TRPM8: variants seen among roughly 807,000 people sequenced by gnomAD.
TRPM8 encodes the protein TRPM8 cationic channel.
In TRPM8, 110 loss-of-function variants were observed where a neutral mutation model predicts 133.7. The observed-to-expected ratio is 0.82, with a 90% CI of 0.70 to 0.96. The LOEUF (loss-of-function observed/expected upper bound fraction) is 0.96. Among genes scored for constraint, TRPM8 ranks in the 40% least tolerant of loss-of-function variants. The pLI, the probability that TRPM8 is intolerant of heterozygous loss-of-function variation, is 0.00. For synonymous variants in TRPM8, 535 were observed against 532.3 expected (o/e 1.01, Z -0.07); for missense variants, 1,291 against 1,379.5 (o/e 0.94, Z 1.02).
intron 21 of TRPM8, among the ~76,000 whole-genome samples, chr2:233,987,785 A>G (rs1447104278): frequency 6.6e-6 from 1 of 152,144 alleles, no homozygotes; most frequent in Non-Finnish European, 1.5e-5. Context: ...GGTTTCCCCC[A>G]TACTGTTCTC....
chr2:233,933,709 T>G (rs926227593), intron 3 of TRPM8: 1 of 154,866 alleles, frequency 6.5e-6, no homozygotes, highest in Non-Finnish European at 1.5e-5. Context: ...TTTTCAGTTA[T>G]AGCAAGAACA....
chr2:233,992,029 A>G (rs182853938), intron 21 of TRPM8, among the ~76,000 whole-genome samples: 114 of 152,274 alleles, frequency 7.5e-4, no homozygotes, highest in African/African-American at 2.6e-3. Flanking sequence ...GTAAAGTTTT[A>G]TGGTCTTTTT....
At chr2:233,968,989 T>C (rs1228015620) in intron 15 of TRPM8, among the ~76,000 whole-genome samples, 2 of 152,110 alleles carry the variant, frequency 1.3e-5, no homozygotes, top group African/African-American at 2.4e-5. Flanking sequence ...AAATGAATCG[T>C]TGGGGACCCT....
intron 1 of TRPM8, among the ~76,000 whole-genome samples, chr2:233,925,908 C>T (rs1691504784): frequency 6.6e-6 from 1 of 151,830 alleles, no homozygotes; most frequent in Non-Finnish European, 1.5e-5. Flanking sequence ...AGAGCAGGGA[C>T]CCCGGGAAGC....
Position 233,955,243 on chromosome 2 carries a change from G to C in TRPM8, c.1355G>C (p.Arg452Pro), listed in dbSNP as rs200547297. The change falls in exon 11 of 26, where the codon CGA becomes CCA. Residue 452 changes from arginine (R) to proline (P), a missense_variant. Around this residue, in one of 2 missense-constraint regions of TRPM8, gnomAD observed 963 missense variants for 968.9 expected, o/e 0.99. Transcript: ENST00000324695. Reference sequence around the variant, plus strand: ...GATGAGATTTTCACCAATGACCGCCGATGGGAGGTAAGCACGAAGCTCTCC... The same window carrying C: ...GATGAGATTTTCACCAATGACCGCCCATGGGAGGTAAGCACGAAGCTCTCC... ...ANDEIFTNDR[R>P]WESADLQEVM... 6 of 1,613,388 alleles carry C rather than the reference G, an allele frequency of 3.7e-6. No individual in the cohort carries two copies. The East Asian group carries it at 1.3e-4, about 36-fold the overall frequency.
chr2:233,934,505 T>C (rs1019766092), intron 3 of TRPM8, among the ~76,000 whole-genome samples: 5 of 138,298 alleles, frequency 3.6e-5, no homozygotes, highest in African/African-American at 1.3e-4. Flanking sequence ...GTAGATGAGG[T>C]TGGAGAGAAG....
intron 15 of TRPM8, among the ~76,000 whole-genome samples, chr2:233,969,063 C>T (rs1691643677): frequency 6.6e-6 from 1 of 152,138 alleles, no homozygotes; most frequent in Non-Finnish European, 1.5e-5. Context: ...CAGAAAGATA[C>T]TTGTTTAAAC....
chr2:234,010,312 C>G (rs986218252), intron 24 of TRPM8, among the ~76,000 whole-genome samples: 1 of 152,198 alleles, frequency 6.6e-6, no homozygotes, highest in South Asian at 2.1e-4. Flanking sequence ...GGCAGCATTT[C>G]TTTCCCCATT....
chr2:233,921,952 C>T lies in TRPM8; in HGVS notation c.-6+4520C>T, dbSNP rs1172955738. On this transcript the variant is annotated intron_variant, in intron 1 of 25. Coordinates refer to ENST00000324695, the MANE Select transcript of TRPM8 (RefSeq NM_024080.5). ...CCTCCCAAAGTGCTGGGATTACAGG[C>T]GTGAGCCACCATGCCCGGCCAGAAA... Among the ~76,000 whole-genome samples the T allele has an allele frequency of 2.6e-5, 4 of 152,052 alleles. No homozygotes were observed. In the East Asian group the frequency reaches 5.8e-4, roughly 22 times the overall value.
rs1692024316 is a variant in TRPM8 at position 233,982,053 on chromosome 2, C to T, written c.2589+138C>T. ...AACATTCGCTTTCTTTGATGTATTT[C>T]ATCAGGGGCCTCTCCCAGGTTAAAA... On this transcript the variant is annotated intron_variant, in intron 19 of 25. Coordinates refer to ENST00000324695, the MANE Select transcript of TRPM8 (RefSeq NM_024080.5). 4.3e-6 allele frequency: 4 copies of T among 938,862 alleles called. 1 individual carries two copies. Among genetic ancestry groups the T allele is most frequent in the South Asian group, 4.4e-5 (2 of 45,878 alleles). The allele number at this position is 938,862 out of a possible 1,614,324, so 58.2% of individuals were successfully genotyped here. A position where few individuals can be genotyped will look rare whatever the true frequency, so the allele number is the denominator to read the frequency against.
chr2:233,963,802 T>C (rs2125189539), intron 13 of TRPM8, among the ~76,000 whole-genome samples: 1 of 152,354 alleles, frequency 6.6e-6, no homozygotes, highest in Admixed American at 6.5e-5. Flanking sequence ...ACACTCACAT[T>C]ACTTTATTTT....
chr2:233,961,031 A>G lies in TRPM8; in HGVS notation c.1618A>G (p.Arg540Gly), dbSNP rs1559530030. Residue 540 changes from arginine (R) to glycine (G), a missense_variant, in exon 12 of 26, where the codon AGA (arginine) becomes GGA (glycine). Around this residue, in one of 2 missense-constraint regions of TRPM8, gnomAD observed 963 missense variants for 968.9 expected, o/e 0.99. Coordinates refer to ENST00000324695, the MANE Select transcript of TRPM8 (RefSeq NM_024080.5). Reference protein sequence around the residue: ...NFRRGFRKEDRNGRDEMDIEL... With the variant: ...NFRRGFRKEDGNGRDEMDIEL... ...CCGAAGAGGCTTCCGGAAGGAAGAC[A>G]GAAATGGCCGGGACGAGATGGACAT... The G allele has an allele frequency of 1.2e-6, 2 of 1,614,210 alleles. No individual in the cohort carries two copies.
chr2:233,968,516 G>A lies in TRPM8; in HGVS notation c.2026-1179G>A, dbSNP rs538618128. ...GTGGAAAGCTGACACCTTATTCCAG[G>A]ACACTAGTCCTCATGGGTCAAGCAC... On this transcript the variant is annotated intron_variant, in intron 15 of 25. Coordinates refer to ENST00000324695, the MANE Select transcript of TRPM8 (RefSeq NM_024080.5). Among the ~76,000 whole-genome samples, 6 of 152,254 alleles carry A rather than the reference G, an allele frequency of 3.9e-5. No homozygotes were observed. In the East Asian group the frequency reaches 1.2e-3, roughly 30 times the overall value.
Position 233,980,172 on chromosome 2 carries a change from C to G in TRPM8, c.2356-16C>G, listed in dbSNP as rs1273784868. ...CCAAGCTGCTGATGTCCCTCTCTGT[C>G]CCTTTCTGTACGCAGTGGTACGTAA... On this transcript the variant is annotated splice_polypyrimidine_tract_variant and intron_variant, in intron 17 of 25. Coordinates refer to ENST00000324695, the MANE Select transcript of TRPM8 (RefSeq NM_024080.5). 2 of 1,554,536 alleles carry G rather than the reference C, an allele frequency of 1.3e-6. No homozygotes were observed. Among genetic ancestry groups the G allele is most frequent in the Admixed American group, 3.5e-5 (2 of 56,518 alleles).
intron 21 of TRPM8, among the ~76,000 whole-genome samples, chr2:233,990,894 A>C (rs1274339085): frequency 6.6e-6 from 1 of 152,200 alleles, no homozygotes; most frequent in African/African-American, 2.4e-5. Context: ...AAGGGAAGAG[A>C]TGACATGGAA....
chr2:234,002,184 A>G (rs1336740774), intron 22 of TRPM8, among the ~76,000 whole-genome samples: 1 of 151,946 alleles, frequency 6.6e-6, no homozygotes, highest in Admixed American at 6.6e-5. Flanking sequence ...TTAGCCAAGC[A>G]AAGAGGCAGA....
At chr2:233,935,236 A>T (rs893893058) in intron 3 of TRPM8, among the ~76,000 whole-genome samples, 3 of 152,236 alleles carry the variant, frequency 2.0e-5, no homozygotes, top group African/African-American at 7.2e-5. Context: ...GCAAATGCTA[A>T]CAGGATTTCC....
At chr2:233,994,599 G>A (rs1362889270) in intron 21 of TRPM8, among the ~76,000 whole-genome samples, 6 of 149,450 alleles carry the variant, frequency 4.0e-5, no homozygotes, top group African/African-American at 9.9e-5. Flanking sequence ...TGTTCCATTC[G>A]TCATTAAACA....
chr2:233,936,062 G>T (rs1251650304), intron 3 of TRPM8, among the ~76,000 whole-genome samples: 2 of 152,110 alleles, frequency 1.3e-5, no homozygotes, highest in Non-Finnish European at 2.9e-5. Flanking sequence ...CCACATTCCA[G>T]GCCCAGCGAA....
Sources: allele counts gnomAD v4.1 joint callset (sites outside exome capture counted in the v4.1 genomes callset), GRCh38; gene constraint gnomAD v4.1.1; regional missense constraint gnomAD v4.1.1; transcripts MANE v1.5; gene names NCBI Gene and HGNC (gene_info 2026-07-23, HGNC 2026-07-21).